CDH8: variants seen among roughly 807,000 people sequenced by gnomAD.
CDH8 encodes cadherin 8, also known as cadherin-8.
Under a neutral mutation model 68.1 loss-of-function variants are expected in CDH8, and 17 were observed. That is an observed-to-expected ratio of 0.25 (90% CI 0.17 to 0.37). The LOEUF is 0.37. Among genes scored for constraint, CDH8 ranks in the 10% least tolerant of loss-of-function variants. CDH8 has a pLI of 1.00. For synonymous variants in CDH8, 372 were observed against 365.1 expected, an observed-to-expected ratio of 1.02 and a Z score of -0.21; for missense variants, 763 against 999.3, an observed-to-expected ratio of 0.76 and a Z score of 3.19.
chr16:61,738,120 T>G (rs1375035326), intron 8 of CDH8, among the ~76,000 whole-genome samples: 1 of 152,126 alleles, frequency 6.6e-6, no homozygotes, highest in Non-Finnish European at 1.5e-5. Context: ...TTTCTCTCAC[T>G]GAGAAAGCTG....
At chr16:61,900,403 G>A (rs1963947891) in intron 3 of CDH8, among the ~76,000 whole-genome samples, 1 of 152,066 alleles carries the variant, frequency 6.6e-6, no homozygotes, top group South Asian at 2.1e-4. Flanking sequence ...TTGAACTTTA[G>A]ATTCTGCCTA....
At position 61,766,053 on chromosome 16, in the gene CDH8, G is replaced by T. The variant is rs557729107; in HGVS notation, c.1414+23293C>A. ...TTTGGGGTTACATATATGAATTGTG[G>T]AGTGGTGAAGTCTAAGATTTTAGTG... On this transcript the variant is annotated intron_variant, in intron 8 of 11. Coordinates refer to ENST00000577390, the MANE Select transcript of CDH8 (RefSeq NM_001796.5). Among the ~76,000 whole-genome samples the T allele has an allele frequency of 4.6e-5, 7 of 151,704 alleles. No homozygotes were observed. In the East Asian group the frequency reaches 1.4e-3, roughly 29 times the overall value.
intron 10 of CDH8, among the ~76,000 whole-genome samples, chr16:61,713,403 A>T (rs1964666444): frequency 1.3e-5 from 2 of 151,654 alleles, no homozygotes; most frequent in African/African-American, 4.8e-5. Context: ...TACAGGCTTA[A>T]AACAAATACC....
At chr16:61,963,054 G>A (rs939740379) in intron 2 of CDH8, among the ~76,000 whole-genome samples, 3 of 152,008 alleles carry the variant, frequency 2.0e-5, no homozygotes, top group African/African-American at 7.3e-5. Flanking sequence ...CGATAAACAC[G>A]TAAATTAATT....
At chr16:61,839,420 G>A (rs1193382532) in intron 4 of CDH8, among the ~76,000 whole-genome samples, 1 of 152,130 alleles carries the variant, frequency 6.6e-6, no homozygotes, top group African/African-American at 2.4e-5. Context: ...AAATAAGCCT[G>A]AAGATCTTCA....
At chr16:61,859,605 A>G (rs1963114347) in intron 3 of CDH8, among the ~76,000 whole-genome samples, 2 of 152,208 alleles carry the variant, frequency 1.3e-5, no homozygotes, top group African/African-American at 2.4e-5. Flanking sequence ...AGGTTACAAC[A>G]GTAGTTCAAT....
At chr16:62,000,172 G>A (rs965370793) in intron 2 of CDH8, among the ~76,000 whole-genome samples, 2 of 152,138 alleles carry the variant, frequency 1.3e-5, no homozygotes, top group East Asian at 3.8e-4. Flanking sequence ...TGGTATATAT[G>A]TGCCACATTT....
At chr16:61,868,334 A>G (rs1359503592) in intron 3 of CDH8, among the ~76,000 whole-genome samples, 1 of 152,226 alleles carries the variant, frequency 6.6e-6, no homozygotes, top group Non-Finnish European at 1.5e-5. Context: ...TATATAAATA[A>G]GAGAGAATTA....
chr16:61,814,203 A>C (rs1255396783), intron 7 of CDH8, among the ~76,000 whole-genome samples: 1 of 152,204 alleles, frequency 6.6e-6, no homozygotes, highest in Non-Finnish European at 1.5e-5. Context: ...TAGTTCTCCG[A>C]CTGGGAAGTA....
intron 10 of CDH8, among the ~76,000 whole-genome samples, chr16:61,666,622 A>G (rs1963683614): frequency 8.4e-6 from 1 of 119,438 alleles, no homozygotes; most frequent in Non-Finnish European, 1.7e-5. Context: ...TGAAGAGAAG[A>G]TCAGTAGGTA....
chr16:61,689,671 TGCAA>T (rs1964179823), intron 10 of CDH8, among the ~76,000 whole-genome samples: 1 of 152,080 alleles, frequency 6.6e-6, no homozygotes, highest in African/African-American at 2.4e-5. Flanking sequence ...TAAGCCAAGA[TGCAA>T]TACTTACTAT....
chr16:61,862,826 C>G (rs1346595687), intron 3 of CDH8, among the ~76,000 whole-genome samples: 1 of 152,190 alleles, frequency 6.6e-6, no homozygotes, highest in African/African-American at 2.4e-5. Flanking sequence ...TTCTTCAAAG[C>G]TGCAAGTGTT....
chr16:61,959,684 CTT>C (rs1312010288), intron 2 of CDH8, among the ~76,000 whole-genome samples: 1 of 149,728 alleles, frequency 6.7e-6, no homozygotes, highest in Non-Finnish European at 1.5e-5. Context: ...CTCAACAAAT[CTT>C]TCTCTCTGTA....
chr16:61,874,458 A>G (rs1198142092), intron 3 of CDH8, among the ~76,000 whole-genome samples: 1 of 151,874 alleles, frequency 6.6e-6, no homozygotes, highest in African/African-American at 2.4e-5. Flanking sequence ...CAGCCTCCCG[A>G]GTAGCTGGGA....
chr16:61,966,318 T>A, intron 2 of CDH8, among the ~76,000 whole-genome samples: 1 of 115,166 alleles, frequency 8.7e-6, no homozygotes. Flanking sequence ...GGTGGGCAGA[T>A]CACGATGTCA....
At chr16:61,813,368 A>G (rs1961994498) in intron 7 of CDH8, among the ~76,000 whole-genome samples, 1 of 152,188 alleles carries the variant, frequency 6.6e-6, no homozygotes, top group Non-Finnish European at 1.5e-5. Flanking sequence ...ATACTGGGCA[A>G]GTTAGTTCTT....
At chr16:61,957,980 G>T (rs1415861167) in intron 2 of CDH8, among the ~76,000 whole-genome samples, 2 of 152,122 alleles carry the variant, frequency 1.3e-5, no homozygotes, top group East Asian at 3.9e-4. Context: ...TTCTACTTGG[G>T]TAATTGATAG....
chr16:61,823,805 TC>T (rs1376970263), intron 5 of CDH8, among the ~76,000 whole-genome samples: 1 of 151,904 alleles, frequency 6.6e-6, no homozygotes, highest in Non-Finnish European at 1.5e-5. Context: ...TGCAGCACTT[TC>T]CCCTGGCACT....
At chr16:61,755,765 T>A (rs1960296186) in intron 8 of CDH8, among the ~76,000 whole-genome samples, 1 of 150,950 alleles carries the variant, frequency 6.6e-6, no homozygotes, top group Admixed American at 6.6e-5. Flanking sequence ...TTTTTCTTCT[T>A]CTTCTCCTTC....
Sources: allele counts gnomAD v4.1 joint callset (sites outside exome capture counted in the v4.1 genomes callset), GRCh38; gene constraint gnomAD v4.1.1; transcripts MANE v1.5; gene names NCBI Gene and HGNC (gene_info 2026-07-23, HGNC 2026-07-21).